Variants in PATL2 observed in about 807,000 individuals in gnomAD.
PATL2 encodes protein PAT1 homolog 2.
Under a neutral mutation model 77.0 loss-of-function variants are expected in PATL2, and 73 were observed. The ratio of observed to expected loss-of-function variants is 0.95; its 90% CI spans 0.78 to 1.15. PATL2 has a LOEUF of 1.15. Ranked by LOEUF, PATL2 falls within the 50% of genes most tolerant of loss-of-function variation. The pLI is 0.00. For synonymous variants in PATL2, 265 were observed against 257.1 expected (o/e 1.03, Z -0.29); for missense variants, 618 against 655.4 (o/e 0.94, Z 0.62).
In PATL2 at chr15:44,710,722, AG is replaced by A. The variant is rs1234830429; in HGVS notation, c.-195+148del. 3.3e-5 allele frequency among the ~76,000 whole-genome samples: 5 copies of A among 152,170 alleles called. No homozygotes were observed. In the East Asian group the frequency reaches 9.6e-4, roughly 29 times the overall value. ...GTTTACTGAGTACCTACTATGTGCCAGCCCCTGTTCTAGGGTGGAAACTAAG... is the reference window on the plus strand; with the variant it reads ...GTTTACTGAGTACCTACTATGTGCCACCCCTGTTCTAGGGTGGAAACTAAG... On this transcript the variant is annotated intron_variant, in intron 2 of 17. Coordinates refer to ENST00000682850, the MANE Select transcript of PATL2 (RefSeq NM_001387263.1).
chr15:44,666,702 CT>C, intron 16 of PATL2, 161 bp from the exon 17 acceptor site: 1 of 684,176 alleles, frequency 1.5e-6, no homozygotes. Flanking sequence ...CCAAGCAATG[CT>C]TAGTGCTTTA....
chr15:44,672,402 ATGC>A lies in PATL2; in HGVS notation c.498_500del (p.Gln166del), dbSNP rs1224666697. 17 of 1,551,460 alleles carry A rather than the reference ATGC, an allele frequency of 1.1e-5. No individual in the cohort carries two copies. The highest frequency in any genetic ancestry group is 1.4e-5 in the Non-Finnish European group (16 of 1,146,934). ...CTGGGCTTTACCTTGGTGTTTGACT[ATGC>A]TGCTGCTGCTGCAAGATTCGTTGGT... On this transcript the variant is annotated inframe_deletion, in exon 8 of 18. Coordinates refer to ENST00000682850, the MANE Select transcript of PATL2 (RefSeq NM_001387263.1).
At position 44,705,811 on chromosome 15, in the gene PATL2, G is replaced by GTTTTTTTTTTTTTTT. The variant is rs371254036; in HGVS notation, c.-76+4284_-76+4285insAAAAAAAAAAAAAAA. Among the ~76,000 whole-genome samples, 101 of 135,380 alleles carry GTTTTTTTTTTTTTTT rather than the reference G, an allele frequency of 7.5e-4. 4 individuals are homozygous for GTTTTTTTTTTTTTTT. Among genetic ancestry groups the GTTTTTTTTTTTTTTT allele is most frequent in the African/African-American group, 2.7e-3 (89 of 33,512 alleles). 88.8% of individuals were successfully genotyped at this position (135,380 alleles called of 152,430 possible). On this transcript the variant is annotated intron_variant, in intron 3 of 17. Transcript: ENST00000682850. ...TTTCTTTGAGTTTCCTCAAAACATT[G>GTTTTTTTTTTTTTTT]TTTTTTTTTAGACAGAGTCTTGCTC... is the stretch of plus-strand genomic sequence containing the variant.
Position 44,669,500 on chromosome 15 carries a change from G to T in PATL2, c.930+10C>A. The T allele has an allele frequency of 6.4e-7, 1 of 1,550,994 alleles. No individual in the cohort carries two copies. The highest frequency in any genetic ancestry group is 8.7e-7 in the Non-Finnish European group (1 of 1,146,632). The stretch of plus-strand genomic sequence containing the variant: ...GTTTGGAACTCGTCCCTAAGGAACT[G>T]ATATCTCACCTTCTCAATCCGGTAT... On this transcript the variant is annotated intron_variant, in intron 12 of 17. Coordinates refer to ENST00000682850, the MANE Select transcript of PATL2 (RefSeq NM_001387263.1).
chr15:44,685,419 CAACATGGTGA>C (rs2086231643), intron 3 of PATL2, among the ~76,000 whole-genome samples: 1 of 152,080 alleles, frequency 6.6e-6, no homozygotes. Context: ...CCATCCTGGC[CAACATGGTGA>C]AACCCCATCT....
chr15:44,668,267 G>C, intron 15 of PATL2, 75 bp downstream of exon 15: 1 of 1,450,508 alleles, frequency 6.9e-7, no homozygotes, highest in Non-Finnish European at 9.3e-7. Context: ...AGATGAGACT[G>C]TCCCCCAACT....
At chr15:44,704,580 T>C (rs2086694906) in intron 3 of PATL2, among the ~76,000 whole-genome samples, 1 of 152,212 alleles carries the variant, frequency 6.6e-6, no homozygotes, top group Non-Finnish European at 1.5e-5. Flanking sequence ...AAAGTTGTTA[T>C]AGTTATTAGT....
At position 44,665,872 on chromosome 15, in the gene PATL2, C is replaced by T; in HGVS notation, c.*81G>A. On this transcript the variant is annotated 3_prime_UTR_variant, in exon 18 of 18. Coordinates refer to ENST00000682850, the MANE Select transcript of PATL2 (RefSeq NM_001387263.1). ...GGCATAAGAAATGTCTTCAGACTCT[C>T]TGGATCCCTGTAAACATAGTCTATG... 1.9e-6 allele frequency: 3 copies of T among 1,550,044 alleles called. No individual in the cohort carries two copies. Among genetic ancestry groups the T allele is most frequent in the Non-Finnish European group, 2.6e-6 (3 of 1,146,102 alleles).
intron 3 of PATL2, among the ~76,000 whole-genome samples, chr15:44,703,680 G>T (rs983087481): frequency 7.1e-6 from 1 of 141,828 alleles, no homozygotes; most frequent in Non-Finnish European, 1.5e-5. Context: ...GTGTCTTTAT[G>T]GGTGAAGTGT....
At chr15:44,669,184 AGAGGGC>A (rs1481115666) in intron 13 of PATL2, 45 bp from the exon 14 acceptor site, 17 of 1,521,748 alleles carry the variant, frequency 1.1e-5, no homozygotes, top group Non-Finnish European at 1.2e-5. Context: ...TGCATAGAGG[AGAGGGC>A]TACATGCCAC....
chr15:44,711,207 T>A lies in PATL2; in HGVS notation c.-441A>T. 1 of 496,640 alleles carries A rather than the reference T, an allele frequency of 2.0e-6. No individual in the cohort carries two copies. 30.8% of individuals were successfully genotyped at this position (496,640 alleles called of 1,614,324 possible). A position where few individuals can be genotyped will look rare whatever the true frequency, so the allele number is the denominator to read the frequency against. ...AGTCACTTAGCATCTCTGGGGCCAG[T>A]CTGCAAAGCGAGGGGGCAGCCTTAA... On this transcript the variant is annotated 5_prime_UTR_variant, in exon 1 of 18. Coordinates refer to ENST00000682850, the MANE Select transcript of PATL2 (RefSeq NM_001387263.1).
intron 15 of PATL2, among the ~76,000 whole-genome samples, chr15:44,667,735 G>T (rs2085454952): frequency 6.6e-6 from 1 of 152,170 alleles, no homozygotes; most frequent in South Asian, 2.1e-4. Flanking sequence ...TTAAAGTTAG[G>T]AGTTCAAGAC....
Position 44,669,838 on chromosome 15 carries a change from AC to A in PATL2, c.814del (p.Val272CysfsTer23). 1 of 1,551,654 alleles carries A rather than the reference AC, an allele frequency of 6.4e-7. No individual in the cohort carries two copies. The highest frequency in any genetic ancestry group is 8.7e-7 in the Non-Finnish European group (1 of 1,146,982). Reference sequence around the variant, plus strand: ...TCGGCGAGGGCTGAAGCATGTCGACACAGCTACCTGGCCCAGGGAACCCTCG... The same window carrying A: ...TCGGCGAGGGCTGAAGCATGTCGACAAGCTACCTGGCCCAGGGAACCCTCG... Reference protein sequence around the residue: ...RIEGSLGQVAVSTCFSPRRAI... With the variant: ...RIEGSLGQVAXSTCFSPRRAI... On this transcript the variant is annotated frameshift_variant, in exon 11 of 18. Transcript: ENST00000682850. LOFTEE classifies it high-confidence loss of function.
At chr15:44,685,180 CTG>C (rs1408991476) in intron 3 of PATL2, among the ~76,000 whole-genome samples, 1 of 152,212 alleles carries the variant, frequency 6.6e-6, no homozygotes, top group East Asian at 1.9e-4. Flanking sequence ...TATGAAGAAA[CTG>C]TGTCAACTAA....
chr15:44,676,656 T>C (rs2085971363), intron 3 of PATL2, 91 bp from the exon 4 acceptor site: 1 of 1,308,666 alleles, frequency 7.6e-7, no homozygotes, highest in East Asian at 2.6e-5. Context: ...CCCAGCAAGA[T>C]GGTTAGAGAA....
chr15:44,683,952 C>T (rs1431798071), intron 3 of PATL2, among the ~76,000 whole-genome samples: 1 of 152,020 alleles, frequency 6.6e-6, no homozygotes, highest in Non-Finnish European at 1.5e-5. Context: ...CCCAGGAAAA[C>T]AGGGTCTGGA....
At chr15:44,689,960 TG>T (rs1595982040) in intron 3 of PATL2, among the ~76,000 whole-genome samples, 1 of 152,106 alleles carries the variant, frequency 6.6e-6, no homozygotes, top group African/African-American at 2.4e-5. Flanking sequence ...GAGGCCGAGG[TG>T]GGCGGATCAC....
chr15:44,670,039 C>G lies in PATL2; in HGVS notation c.706G>C (p.Gly236Arg), dbSNP rs1219367842. The change falls in exon 10 of 18, where the codon GGA (glycine) becomes CGA (arginine). Residue 236 changes from glycine (G) to arginine (R), a missense_variant. By Grantham distance (125) the Gly-to-Arg change is moderately radical. Coordinates refer to ENST00000682850, the MANE Select transcript of PATL2 (RefSeq NM_001387263.1). Reference protein sequence around the residue: ...EKKQADEELLGRRNRVESLKL... With the variant: ...EKKQADEELLRRRNRVESLKL... The stretch of plus-strand genomic sequence containing the variant: ...AGGGACTCAACCCGGTTTCTTCGTC[C>G]AAGTAGCTCTTCGTCTGCCTGCTTC... The G allele has an allele frequency of 1.3e-6, 2 of 1,551,324 alleles. No individual in the cohort carries two copies. Among genetic ancestry groups the G allele is most frequent in the Admixed American group, 3.9e-5 (2 of 50,882 alleles).
intron 3 of PATL2, among the ~76,000 whole-genome samples, chr15:44,677,389 C>A (rs1430285422): frequency 6.6e-6 from 1 of 152,128 alleles, no homozygotes; most frequent in Non-Finnish European, 1.5e-5. Context: ...TGATGAGAGA[C>A]CCCTGTGAAT....
Sources: allele counts gnomAD v4.1 joint callset (sites outside exome capture counted in the v4.1 genomes callset), GRCh38; gene constraint gnomAD v4.1.1; transcripts MANE v1.5; gene names NCBI Gene and HGNC (gene_info 2026-07-23, HGNC 2026-07-21).